The following DACH2 variants were observed in gnomAD, a reference collection of about 807,000 sequenced individuals.
The protein encoded by DACH2 is dachshund family transcription factor 2.
Under a neutral mutation model 35.8 loss-of-function variants are expected in DACH2, and 17 were observed. The observed-to-expected ratio is 0.48, with a 90% CI of 0.33 to 0.71. DACH2 has a LOEUF of 0.71. Ranked by LOEUF, DACH2 falls within the 30% of genes least tolerant of loss-of-function variation. The pLI is 0.02. For synonymous variants in DACH2, 195 were observed against 177.3 expected (o/e 1.10, Z -0.79); for missense variants, 469 against 472.7 (o/e 0.99, Z 0.07).
intron 4 of DACH2, among the ~76,000 whole-genome samples, chrX:86,672,450 A>G (rs1238144805): frequency 2.7e-5 from 3 of 111,121 alleles, no homozygotes; most frequent in Admixed American, 1.9e-4. Context: ...GAAGAATGAT[A>G]TTGTAGGCTG....
At chrX:86,583,641 GT>G (rs1156263276) in intron 3 of DACH2, among the ~76,000 whole-genome samples, 11 of 105,411 alleles carry the variant, frequency 1.0e-4, no homozygotes, top group Admixed American at 9.2e-4. Flanking sequence ...TTTGTCAAAT[GT>G]TTTTTTTCAT....
At chrX:86,820,340 A>T (rs144243607) in intron 11 of DACH2, among the ~76,000 whole-genome samples, 567 of 112,024 alleles carry the variant, frequency 5.1e-3, no homozygotes, top group African/African-American at 0.018. Flanking sequence ...TTTTTCCATA[A>T]ATGTGGTGGC....
chrX:86,575,852 T>G (rs1569444552), intron 3 of DACH2, among the ~76,000 whole-genome samples: 1 of 111,602 alleles, frequency 9.0e-6, no homozygotes, highest in Admixed American at 9.5e-5. Context: ...AACCAACACT[T>G]GTATTAATAT....
intron 1 of DACH2, among the ~76,000 whole-genome samples, chrX:86,247,107 A>G (rs137913694): frequency 0.031 from 3,440 of 112,074 alleles, 128 homozygotes; most frequent in African/African-American, 0.1. Flanking sequence ...GTAAGGTTCA[A>G]TTCAACAAGA....
intron 3 of DACH2, among the ~76,000 whole-genome samples, chrX:86,602,200 T>G (rs1025052478): frequency 8.9e-6 from 1 of 111,876 alleles, no homozygotes; most frequent in Non-Finnish European, 1.9e-5. Context: ...TTCTTTTTAT[T>G]TCTGTGTAAT....
At chrX:86,627,844 T>C (rs1260938177) in intron 3 of DACH2, among the ~76,000 whole-genome samples, 2 of 112,305 alleles carry the variant, frequency 1.8e-5, no homozygotes, top group Non-Finnish European at 3.8e-5. Context: ...AAGCATAAAC[T>C]GATGATAAAG....
intron 1 of DACH2, among the ~76,000 whole-genome samples, chrX:86,216,733 G>GA (rs202224356): frequency 0.012 from 1,347 of 111,281 alleles, 25 homozygotes; most frequent in African/African-American, 0.042. Context: ...GAGGGATTTG[G>GA]AAAAAATTTA....
At chrX:86,568,737 G>T (rs1312735095) in intron 3 of DACH2, among the ~76,000 whole-genome samples, 1 of 111,224 alleles carries the variant, frequency 9.0e-6, no homozygotes, top group Non-Finnish European at 1.9e-5. Context: ...CACGAATGGG[G>T]CTGTGTAAAG....
chrX:86,828,875 TC>T (rs1161761068), intron 11 of DACH2: 1 of 111,747 alleles, frequency 8.9e-6, no homozygotes, highest in Non-Finnish European at 1.9e-5. Flanking sequence ...TTAATGCTCC[TC>T]CTAAAGTGCC....
chrX:86,643,176 T>TTG (rs1357476641), intron 3 of DACH2, among the ~76,000 whole-genome samples: 1 of 106,597 alleles, frequency 9.4e-6, no homozygotes, highest in African/African-American at 3.4e-5. Flanking sequence ...GGAATTGTTT[T>TTG]TTTTTTTTTT....
At chrX:86,524,002 A>G (rs926913271) in intron 3 of DACH2, among the ~76,000 whole-genome samples, 1 of 112,075 alleles carries the variant, frequency 8.9e-6, no homozygotes, top group Non-Finnish European at 1.9e-5. Context: ...TTGAAGGAGG[A>G]ACTATTATCA....
At chrX:86,621,202 C>T (rs1198655086) in intron 3 of DACH2, among the ~76,000 whole-genome samples, 1 of 111,297 alleles carries the variant, frequency 9.0e-6, no homozygotes, top group East Asian at 2.8e-4. Context: ...TTCTAGAAAG[C>T]TCTAGTTCTA....
intron 7 of DACH2, among the ~76,000 whole-genome samples, chrX:86,776,687 A>AT (rs1223529602): frequency 9.0e-6 from 1 of 110,947 alleles, no homozygotes; most frequent in Admixed American, 9.6e-5. Flanking sequence ...TGCTGCACCC[A>AT]TTAACTCGTC....
intron 1 of DACH2, among the ~76,000 whole-genome samples, chrX:86,270,554 A>T (rs988050690): frequency 4.2e-4 from 47 of 111,665 alleles, no homozygotes; most frequent in Non-Finnish European, 6.8e-4. Flanking sequence ...TAGAGGTGGG[A>T]TTCGTTTCAT....
chrX:86,555,413 G>A lies in DACH2; in HGVS notation c.640+41022G>A, dbSNP rs182337899. Among the ~76,000 whole-genome samples, 354 of 111,248 alleles carry A rather than the reference G, an allele frequency of 3.2e-3. 4 individuals are homozygous for A. The highest frequency in any genetic ancestry group is 0.011 in the African/African-American group (330 of 30,708). On this transcript the variant is annotated intron_variant, in intron 3 of 11. Coordinates refer to ENST00000373125, the MANE Select transcript of DACH2 (RefSeq NM_053281.3). ...TTCTGGAGGTCCTAGTGCTATGTAC[G>A]CTATCAGATGTGCAGGCAGCCACCA... is the stretch of plus-strand genomic sequence containing the variant.
intron 3 of DACH2, among the ~76,000 whole-genome samples, chrX:86,632,527 C>T (rs1024083284): frequency 2.2e-4 from 24 of 107,466 alleles, no homozygotes; most frequent in Non-Finnish European, 3.1e-4. Flanking sequence ...CACACACACA[C>T]GGGTTATTTT....
At chrX:86,418,941 A>T (rs769418433) in intron 2 of DACH2, among the ~76,000 whole-genome samples, 4 of 111,809 alleles carry the variant, frequency 3.6e-5, no homozygotes, top group Non-Finnish European at 7.5e-5. Flanking sequence ...GATACCCTCA[A>T]GTTCAAAGTT....
At chrX:86,423,834 G>A (rs1004332529) in intron 2 of DACH2, among the ~76,000 whole-genome samples, 1 of 110,498 alleles carries the variant, frequency 9.0e-6, no homozygotes, top group Non-Finnish European at 1.9e-5. Context: ...TTTGATTTTT[G>A]TATCAAATCA....
intron 3 of DACH2, among the ~76,000 whole-genome samples, chrX:86,545,158 CCCA>C (rs2038940227): frequency 9.0e-6 from 1 of 111,650 alleles, no homozygotes; most frequent in Non-Finnish European, 1.9e-5. Flanking sequence ...AACCGAAAAG[CCCA>C]CCAACAGGAG....
Sources: allele counts gnomAD v4.1 joint callset (sites outside exome capture counted in the v4.1 genomes callset), GRCh38; gene constraint gnomAD v4.1.1; transcripts MANE v1.5; gene names NCBI Gene and HGNC (gene_info 2026-07-23, HGNC 2026-07-21).